The following PC variants were observed in gnomAD, a reference collection of about 807,000 sequenced individuals.
PC encodes the protein pyruvate carboxylase, also known as pyruvate carboxylase, mitochondrial.
PC carries 46 observed loss-of-function variants against 107.8 expected under a neutral mutation model. The observed-to-expected ratio is 0.43, with a 90% CI of 0.34 to 0.55. PC has a LOEUF of 0.55. PC is among the 20% of genes least tolerant of loss of function. The pLI is 0.04. For missense variants in PC, 1,241 were observed against 1,643.1 expected (o/e 0.76, Z 4.23); for synonymous variants, 662 against 684.7 (o/e 0.97, Z 0.52).
intron 3 of PC, among the ~76,000 whole-genome samples, chr11:66,906,599 A>G (rs902166882): frequency 2.6e-5 from 4 of 152,070 alleles, no homozygotes; most frequent in African/African-American, 9.7e-5. Flanking sequence ...GCATACACAG[A>G]TGTCCACGTC....
Position 66,852,743 on chromosome 11 carries a change from C to G in PC, c.1603+4G>C. The stretch of plus-strand genomic sequence containing the variant: ...CATGAGTTGACAGAATGGATCTCAC[C>G]TACCTATGGGCACTGCAGGGACAAC... On this transcript the variant is annotated splice_donor_region_variant and intron_variant, in intron 14 of 22. Coordinates refer to ENST00000393960, the MANE Select transcript of PC (RefSeq NM_001040716.2). This position sits in a 1 kb window ranked among gnomAD's most constrained non-coding sequence, Gnocchi z 4.7. The G allele has an allele frequency of 6.2e-7, 1 of 1,610,332 alleles. No homozygotes were observed. The highest frequency in any genetic ancestry group is 8.5e-7 in the Non-Finnish European group (1 of 1,177,288).
intron 12 of PC, among the ~76,000 whole-genome samples, chr11:66,855,004 C>A (rs1385036155): frequency 2.6e-5 from 4 of 152,288 alleles, no homozygotes; most frequent in African/African-American, 9.6e-5. Context: ...TGTCCTCACA[C>A]CCTCGGCAGA....
intron 3 of PC, among the ~76,000 whole-genome samples, chr11:66,907,145 T>C (rs1437987061): frequency 1.3e-5 from 2 of 152,206 alleles, no homozygotes; most frequent in African/African-American, 4.8e-5. Context: ...CCATGTGGCC[T>C]TTCCCTCAAC....
At chr11:66,859,305 G>A (rs1946094625) in intron 12 of PC, among the ~76,000 whole-genome samples, 1 of 152,154 alleles carries the variant, frequency 6.6e-6, no homozygotes. Context: ...ACCCCACCCC[G>A]AGATGTCCCA....
chr11:66,862,203 C>G (rs1411351469), intron 12 of PC, among the ~76,000 whole-genome samples: 1 of 152,172 alleles, frequency 6.6e-6, no homozygotes, highest in African/African-American at 2.4e-5. Context: ...TCGCGACACA[C>G]CTCTGCCTAT....
At chr11:66,925,893 T>C (rs1022840071) in intron 3 of PC, among the ~76,000 whole-genome samples, 1 of 151,582 alleles carries the variant, frequency 6.6e-6, no homozygotes, top group African/African-American at 2.4e-5. Context: ...CCGTTCAGGG[T>C]TCCTGACTTC....
Position 66,858,849 on chromosome 11 carries a change from C to T in PC, c.1368+4925G>A. The T allele has an allele frequency of 6.4e-7, 1 of 1,551,596 alleles. No individual in the cohort carries two copies. The highest frequency in any genetic ancestry group is 1.2e-5 in the South Asian group (1 of 85,726). ...CACAGCCCGAGTAGAACTGCGGGTG[C>T]TGGCCTTGCCCCATGGTGGGAACAG... On this transcript the variant is annotated intron_variant, in intron 12 of 22. Coordinates refer to ENST00000393960, the MANE Select transcript of PC (RefSeq NM_001040716.2). This position sits in a 1 kb window ranked among gnomAD's most constrained non-coding sequence, Gnocchi z 5.9.
In PC at chr11:66,894,970, C is replaced by T. The variant is rs368768701; in HGVS notation, c.1-22811G>A. 1.5e-4 allele frequency among the ~76,000 whole-genome samples: 23 copies of T among 149,908 alleles called. No individual in the cohort carries two copies. The East Asian group carries it at 3.3e-3, about 22-fold the overall frequency. ...CCAGGAGGCGGAAGCTGAAGTGAGCCGAGATTGTGCCATTGCACTCCAGCC... is the reference window on the plus strand; with the variant it reads ...CCAGGAGGCGGAAGCTGAAGTGAGCTGAGATTGTGCCATTGCACTCCAGCC... On this transcript the variant is annotated intron_variant, in intron 3 of 22. Coordinates refer to ENST00000393960, the MANE Select transcript of PC (RefSeq NM_001040716.2).
chr11:66,956,907 C>T (rs1949572702), intron 1 of PC, among the ~76,000 whole-genome samples: 1 of 152,250 alleles, frequency 6.6e-6, no homozygotes, highest in South Asian at 2.1e-4. Context: ...TTTATTTTCT[C>T]TCTCCCCCAA....
chr11:66,936,275 GAGAGAAAA>G (rs1405984640), intron 3 of PC, among the ~76,000 whole-genome samples: 2 of 151,464 alleles, frequency 1.3e-5, no homozygotes, highest in African/African-American at 4.9e-5. Flanking sequence ...GGTGGGGGGG[GAGAGAAAA>G]AAAGAAAAAA....
At chr11:66,934,842 T>C (rs1227085124) in intron 3 of PC, among the ~76,000 whole-genome samples, 1 of 152,136 alleles carries the variant, frequency 6.6e-6, no homozygotes, top group African/African-American at 2.4e-5. Flanking sequence ...TGACCTCAGG[T>C]GATCCACCCG....
At position 66,858,422 on chromosome 11, in the gene PC, C is replaced by A. The variant is rs370566594; in HGVS notation, c.1369-5039G>T. The A allele has an allele frequency of 6.0e-5, 93 of 1,555,198 alleles. No homozygotes were observed. Among genetic ancestry groups the A allele is most frequent in the Middle Eastern group, 1.7e-4 (1 of 6,030 alleles). On this transcript the variant is annotated intron_variant, in intron 12 of 22. Transcript: ENST00000393960. This position sits in a 1 kb window ranked among gnomAD's most constrained non-coding sequence, Gnocchi z 5.9. ...GTGATGCAGAGGCCTCTCCCGCCCC[C>A]CTGGTGCTGAGCTTTAGCGGGAACC... is the stretch of plus-strand genomic sequence containing the variant.
chr11:66,888,014 A>G (rs1025276595), intron 3 of PC, among the ~76,000 whole-genome samples: 10 of 152,190 alleles, frequency 6.6e-5, no homozygotes, highest in African/African-American at 2.4e-4. Flanking sequence ...CCTTCTCCTC[A>G]GCATAGGTCT....
intron 12 of PC, among the ~76,000 whole-genome samples, chr11:66,862,120 G>A (rs1402000952): frequency 3.3e-5 from 5 of 152,156 alleles, no homozygotes; most frequent in Non-Finnish European, 4.4e-5. Context: ...CGAAGCAGCC[G>A]CAGGACATCC....
In PC at chr11:66,866,627, C is replaced by T. The variant is rs906999335; in HGVS notation, c.1023-278G>A. Among the ~76,000 whole-genome samples, 3 of 152,182 alleles carry T rather than the reference C, an allele frequency of 2.0e-5. No individual in the cohort carries two copies. The highest frequency in any genetic ancestry group is 4.8e-5 in the African/African-American group (2 of 41,450). ...CACCTGCTCCTGCATTCCTGACTCACGGTGCCGTCCACACAGCCCTAAGCT... is the reference window on the plus strand; with the variant it reads ...CACCTGCTCCTGCATTCCTGACTCATGGTGCCGTCCACACAGCCCTAAGCT... On this transcript the variant is annotated intron_variant, in intron 10 of 22. Transcript: ENST00000393960. This position sits in a 1 kb window ranked among gnomAD's most constrained non-coding sequence, Gnocchi z 5.4.
chr11:66,881,568 G>A (rs1947189320), intron 3 of PC, among the ~76,000 whole-genome samples: 4 of 152,226 alleles, frequency 2.6e-5, no homozygotes, highest in Admixed American at 2.6e-4. Flanking sequence ...TCCTGACAGA[G>A]CTGCCGCTTC....
At chr11:66,931,968 A>G (rs1396353337) in intron 3 of PC, among the ~76,000 whole-genome samples, 6 of 151,488 alleles carry the variant, frequency 4.0e-5, no homozygotes, top group Non-Finnish European at 8.8e-5. Context: ...GCAGTGAGAC[A>G]AGATCACGCC....
In PC at chr11:66,857,995, T is replaced by C; in HGVS notation, c.1369-4612A>G. ...GACCTGACACTGTCTCGCAATGCCA[T>C]CACCCGCATTGGGGCCCGCGCCTTT... On this transcript the variant is annotated intron_variant, in intron 12 of 22. Transcript: ENST00000393960. The surrounding 1 kb of genome is among the most constrained non-coding windows in gnomAD (Gnocchi z 7.1). 6.2e-7 allele frequency: 1 copy of C among 1,612,466 alleles called. No individual in the cohort carries two copies. The highest frequency in any genetic ancestry group is 8.5e-7 in the Non-Finnish European group (1 of 1,179,930).
Position 66,947,578 on chromosome 11 carries a change from T to C in PC, c.-1+4852A>G, listed in dbSNP as rs575716255. Among the ~76,000 whole-genome samples, 261 of 130,404 alleles carry C rather than the reference T, an allele frequency of 2.0e-3. 1 individual carries two copies. The highest frequency in any genetic ancestry group is 2.5e-3 in the Non-Finnish European group (151 of 60,982). 85.6% of individuals were successfully genotyped at this position (130,404 alleles called of 152,430 possible). The stretch of plus-strand genomic sequence containing the variant: ...TCAGTCTCAAAAAAAAAAAAAGAAC[T>C]GACCAGGAACAGTGGCTCATGCCTG... On this transcript the variant is annotated intron_variant, in intron 3 of 22. Transcript: ENST00000393960.
Sources: gnomAD v4.1 joint callset for allele counts (sites outside exome capture counted in the v4.1 genomes callset) on GRCh38, gnomAD v4.1.1 for gene constraint, Gnocchi (gnomAD v3.1) non-coding constraint, MANE v1.5 for transcripts, NCBI Gene and HGNC (gene_info 2026-07-23, HGNC 2026-07-21) for gene names.